ARFIP1: variants seen among roughly 807,000 people sequenced by gnomAD.
ARFIP1 encodes the protein ARF interacting protein 1, also known as arfaptin-1.
In ARFIP1, 24 loss-of-function variants were observed where a neutral mutation model predicts 42.5. The observed-to-expected ratio is 0.57, with a 90% CI of 0.41 to 0.80. The LOEUF is 0.80. Ranked by LOEUF, ARFIP1 falls within the 30% of genes least tolerant of loss-of-function variation. The pLI is 0.00. For synonymous variants in ARFIP1, 141 were observed against 153.7 expected (o/e 0.92, Z 0.61); for missense variants, 354 against 434.0 (o/e 0.82, Z 1.64).
At chr4:152,870,633 T>G (rs982618275) in intron 3 of ARFIP1, 120 bp from the exon 4 acceptor site, 12 of 685,624 alleles carry the variant, frequency 1.8e-5, no homozygotes, top group African/African-American at 5.4e-5. Context: ...ATATATTAAT[T>G]CCAACTTTTA....
At chr4:152,822,225 A>T (rs967432975) in intron 1 of ARFIP1, among the ~76,000 whole-genome samples, 2 of 151,226 alleles carry the variant, frequency 1.3e-5, no homozygotes, top group Admixed American at 6.6e-5. Flanking sequence ...AAGATTTCGC[A>T]CAAGTTGAAA....
intron 1 of ARFIP1, among the ~76,000 whole-genome samples, chr4:152,816,175 C>T (rs1377174040): frequency 6.6e-6 from 1 of 152,228 alleles, no homozygotes; most frequent in African/African-American, 2.4e-5. Context: ...TTAATTCCAA[C>T]ACAGTAGCAA....
At chr4:152,835,974 T>G (rs1043054498) in intron 2 of ARFIP1, among the ~76,000 whole-genome samples, 6 of 152,054 alleles carry the variant, frequency 3.9e-5, no homozygotes, top group Admixed American at 1.3e-4. Flanking sequence ...GTGGACTGGG[T>G]GAGAACTCAT....
At chr4:152,863,765 T>C (rs775492660) in intron 3 of ARFIP1, 51 bp downstream of exon 3, 1 of 1,176,946 alleles carries the variant, frequency 8.5e-7, no homozygotes, top group Non-Finnish European at 1.3e-6. Flanking sequence ...ATGGGAGAAG[T>C]TCACCAAATG....
intron 2 of ARFIP1, among the ~76,000 whole-genome samples, chr4:152,860,317 G>T (rs1733784777): frequency 6.6e-6 from 1 of 152,146 alleles, no homozygotes; most frequent in Non-Finnish European, 1.5e-5. Context: ...GCTGACTTCA[G>T]AGCCCACATT....
At chr4:152,875,187 T>A (rs1274500694) in intron 5 of ARFIP1, among the ~76,000 whole-genome samples, 1 of 152,148 alleles carries the variant, frequency 6.6e-6, no homozygotes, top group Non-Finnish European at 1.5e-5. Context: ...GTTTAGACAT[T>A]GAACCTATCT....
At chr4:152,797,602 C>T (rs962615089) in intron 1 of ARFIP1, among the ~76,000 whole-genome samples, 3 of 152,164 alleles carry the variant, frequency 2.0e-5, no homozygotes, top group African/African-American at 7.2e-5. Context: ...TTTCTCTTTG[C>T]TCAAGTGTTC....
intron 1 of ARFIP1, among the ~76,000 whole-genome samples, chr4:152,820,895 G>A (rs540063586): frequency 1.3e-5 from 2 of 152,278 alleles, no homozygotes; most frequent in South Asian, 4.1e-4. Context: ...CTTCACCACT[G>A]AAAGCACCCG....
At chr4:152,808,702 G>C (rs140169102) in intron 1 of ARFIP1, among the ~76,000 whole-genome samples, 159 of 152,208 alleles carry the variant, frequency 1.0e-3, no homozygotes, top group African/African-American at 3.6e-3. Flanking sequence ...GGTATCTGGT[G>C]GTTTTAATCT....
chr4:152,867,692 T>G (rs992531316), intron 3 of ARFIP1, among the ~76,000 whole-genome samples: 2 of 152,226 alleles, frequency 1.3e-5, no homozygotes, highest in Admixed American at 6.5e-5. Flanking sequence ...TGAACTGATA[T>G]ACATGAGCAT....
chr4:152,810,417 C>T (rs1425823588), intron 1 of ARFIP1: 2 of 152,166 alleles, frequency 1.3e-5, no homozygotes, highest in Non-Finnish European at 2.9e-5. Context: ...ATGTTACTGT[C>T]TTTTACTGTT....
At chr4:152,796,371 C>G in intron 1 of ARFIP1, 1 of 723,530 alleles carries the variant, frequency 1.4e-6, no homozygotes. Context: ...GTAAAGACAT[C>G]TCTAGCAAAG....
intron 5 of ARFIP1, among the ~76,000 whole-genome samples, chr4:152,876,752 G>T (rs1461890930): frequency 1.3e-5 from 2 of 152,206 alleles, no homozygotes; most frequent in Non-Finnish European, 2.9e-5. Context: ...ATGTGGTTTT[G>T]TGGGCCAGGC....
rs764113045 is a variant in ARFIP1 at position 152,780,639 on chromosome 4, A to C, written c.-10+413A>C. On this transcript the variant is annotated intron_variant, in intron 1 of 8. Coordinates refer to ENST00000353617, the MANE Select transcript of ARFIP1 (RefSeq NM_001025595.3). ...CCAGCTTCCTCTCTCCCGCAGTGGG[A>C]GGAAGGGAGATAGTGACAGTCCCTC... 1.4e-4 allele frequency among the ~76,000 whole-genome samples: 21 copies of C among 152,036 alleles called. 1 individual carries two copies. Among genetic ancestry groups the C allele is most frequent in the Non-Finnish European group, 2.6e-4 (18 of 67,996 alleles).
At chr4:152,900,445 G>A (rs1242922127) in intron 8 of ARFIP1, among the ~76,000 whole-genome samples, 13 of 151,744 alleles carry the variant, frequency 8.6e-5, no homozygotes, top group Non-Finnish European at 1.9e-4. Flanking sequence ...TCAGTGATTT[G>A]TTGAAACCTA....
chr4:152,838,194 A>G (rs1264347890), intron 2 of ARFIP1, among the ~76,000 whole-genome samples: 1 of 152,162 alleles, frequency 6.6e-6, no homozygotes, highest in Non-Finnish European at 1.5e-5. Flanking sequence ...TATAGTTTGA[A>G]ATCAGGTAAT....
chr4:152,782,542 A>G (rs1431818504), intron 1 of ARFIP1, among the ~76,000 whole-genome samples: 1 of 152,218 alleles, frequency 6.6e-6, no homozygotes, highest in Non-Finnish European at 1.5e-5. Flanking sequence ...AACTAGGCAC[A>G]GTTCAGAGTA....
chr4:152,785,568 G>T (rs938999805), intron 1 of ARFIP1, among the ~76,000 whole-genome samples: 1 of 152,204 alleles, frequency 6.6e-6, no homozygotes, highest in South Asian at 2.1e-4. Flanking sequence ...CTCCCAAAGT[G>T]CTGGGATAAC....
chr4:152,798,863 A>G (rs6535873), intron 1 of ARFIP1, among the ~76,000 whole-genome samples: 146,605 of 152,312 alleles, frequency 0.96, 70,609 homozygotes, highest in Non-Finnish European at 0.98. Flanking sequence ...AAAAATAGAA[A>G]CAGAAATAGC....
Sources: gnomAD v4.1 joint callset for allele counts (sites outside exome capture counted in the v4.1 genomes callset) on GRCh38, gnomAD v4.1.1 for gene constraint, MANE v1.5 for transcripts, NCBI Gene and HGNC (gene_info 2026-07-23, HGNC 2026-07-21) for gene names.